Variants in CNTNAP5 observed in about 807,000 individuals in gnomAD.
CNTNAP5 encodes the protein contactin-associated protein-like 5.
CNTNAP5 carries 72 observed loss-of-function variants against 150.2 expected under a neutral mutation model. The observed-to-expected ratio is 0.48, with a 90% CI of 0.40 to 0.58. The LOEUF is 0.58. Ranked by LOEUF, CNTNAP5 falls within the 20% of genes least tolerant of loss-of-function variation. The pLI is 0.00. For synonymous variants in CNTNAP5, 672 were observed against 619.8 expected (o/e 1.08, Z -1.25); for missense variants, 1,636 against 1,626.2 (o/e 1.01, Z -0.10).
At chr2:124,041,844 G>T (rs1398002291) in intron 1 of CNTNAP5, among the ~76,000 whole-genome samples, 2 of 125,106 alleles carry the variant, frequency 1.6e-5, no homozygotes, top group East Asian at 4.7e-4. Context: ...TATGCATCAT[G>T]ATGTGTCAAA....
chr2:124,673,101 G>A (rs181189658), intron 13 of CNTNAP5, among the ~76,000 whole-genome samples: 3 of 152,126 alleles, frequency 2.0e-5, no homozygotes, highest in African/African-American at 7.2e-5. Context: ...AATGTAAATT[G>A]TGTGCTTAAT....
intron 10 of CNTNAP5, among the ~76,000 whole-genome samples, chr2:124,545,832 C>G (rs1482924844): frequency 6.6e-6 from 1 of 152,156 alleles, no homozygotes; most frequent in Non-Finnish European, 1.5e-5. Context: ...TAGCACAGCC[C>G]TCCAGTCCTA....
intron 13 of CNTNAP5, among the ~76,000 whole-genome samples, chr2:124,682,866 G>A (rs1679101399): frequency 6.6e-6 from 1 of 152,084 alleles, no homozygotes; most frequent in Non-Finnish European, 1.5e-5. Context: ...CTAATTAGTG[G>A]CACAAAAATA....
chr2:124,389,271 C>A (rs756880408), intron 3 of CNTNAP5, among the ~76,000 whole-genome samples: 5 of 152,122 alleles, frequency 3.3e-5, no homozygotes, highest in Non-Finnish European at 7.4e-5. Context: ...AGACTGTCTG[C>A]TGCAAATATT....
chr2:124,646,630 C>A (rs146481482), intron 12 of CNTNAP5, among the ~76,000 whole-genome samples: 4 of 152,250 alleles, frequency 2.6e-5, no homozygotes, highest in Admixed American at 1.3e-4. Flanking sequence ...AATTGCATGT[C>A]CAATTGCAGT....
intron 11 of CNTNAP5, among the ~76,000 whole-genome samples, chr2:124,577,789 G>A (rs978097265): frequency 6.6e-6 from 1 of 152,126 alleles, no homozygotes; most frequent in African/African-American, 2.4e-5. Context: ...TGGCATACAT[G>A]GGATCTGCAC....
At chr2:124,466,402 A>G (rs1231845172) in intron 6 of CNTNAP5, among the ~76,000 whole-genome samples, 1 of 152,008 alleles carries the variant, frequency 6.6e-6, no homozygotes, top group South Asian at 2.1e-4. Flanking sequence ...TGTTTCTATC[A>G]TACTTTGTCT....
chr2:124,901,315 G>A (rs1678409149), intron 21 of CNTNAP5, among the ~76,000 whole-genome samples: 1 of 151,500 alleles, frequency 6.6e-6, no homozygotes, highest in Non-Finnish European at 1.5e-5. Flanking sequence ...AGTAATTAAT[G>A]TTGCTCATCA....
intron 1 of CNTNAP5, among the ~76,000 whole-genome samples, chr2:124,132,758 T>A (rs74699055): frequency 0.014 from 2,062 of 152,342 alleles, 16 homozygotes; most frequent in Non-Finnish European, 0.02. Flanking sequence ...ATATAATTAC[T>A]GTTCTGTCCA....
intron 13 of CNTNAP5, among the ~76,000 whole-genome samples, chr2:124,660,644 G>A (rs537905411): frequency 9.7e-4 from 148 of 152,030 alleles, no homozygotes; most frequent in African/African-American, 3.3e-3. Flanking sequence ...AATTGGGTGC[G>A]TTTTTTGCAT....
At position 124,101,957 on chromosome 2, in the gene CNTNAP5, C is replaced by T. The variant is rs1683075295; in HGVS notation, c.82+76225C>T. Among the ~76,000 whole-genome samples the T allele has an allele frequency of 1.3e-5, 2 of 152,166 alleles. 1 individual carries two copies. The highest frequency in any genetic ancestry group is 4.1e-4 in the South Asian group (2 of 4,822). Reference sequence around the variant, plus strand: ...TAGCCGCCTGGTGCCTGACTTGCCCCTCTCACAGGCTGGTGGGGTTGCTGA... The same window carrying T: ...TAGCCGCCTGGTGCCTGACTTGCCCTTCTCACAGGCTGGTGGGGTTGCTGA... On this transcript the variant is annotated intron_variant, in intron 1 of 23. Coordinates refer to ENST00000682447, the MANE Select transcript of CNTNAP5 (RefSeq NM_001367498.1).
chr2:124,309,850 C>T (rs1472644035), intron 3 of CNTNAP5, among the ~76,000 whole-genome samples: 2 of 152,154 alleles, frequency 1.3e-5, no homozygotes, highest in Non-Finnish European at 2.9e-5. Flanking sequence ...ACAAGGCAGG[C>T]GATCTTTTCT....
At position 124,088,002 on chromosome 2, in the gene CNTNAP5, G is replaced by A. The variant is rs562694791; in HGVS notation, c.82+62270G>A. On this transcript the variant is annotated intron_variant, in intron 1 of 23. Coordinates refer to ENST00000682447, the MANE Select transcript of CNTNAP5 (RefSeq NM_001367498.1). ...CAGGTTTATGTCTTCCATTGAATGT[G>A]GGAAGTTTTCAGCCATTATTCAAGT... 1.1e-3 allele frequency among the ~76,000 whole-genome samples: 163 copies of A among 152,170 alleles called. 1 individual carries two copies. The highest frequency in any genetic ancestry group is 1.8e-3 in the Non-Finnish European group (123 of 68,002).
chr2:124,907,561 T>G (rs1467519774), intron 22 of CNTNAP5, among the ~76,000 whole-genome samples: 1 of 148,514 alleles, frequency 6.7e-6, no homozygotes, highest in Non-Finnish European at 1.5e-5. Flanking sequence ...ATATAGATCT[T>G]GATCTATATC....
At chr2:124,312,997 G>A (rs1448469360) in intron 3 of CNTNAP5, among the ~76,000 whole-genome samples, 3 of 152,200 alleles carry the variant, frequency 2.0e-5, no homozygotes, top group African/African-American at 7.2e-5. Flanking sequence ...GAGCCACCAC[G>A]CCTGGCCAGT....
intron 19 of CNTNAP5, among the ~76,000 whole-genome samples, chr2:124,804,549 G>A (rs1448203410): frequency 1.3e-5 from 2 of 152,008 alleles, no homozygotes; most frequent in East Asian, 1.9e-4. Context: ...TTATAAGATC[G>A]GAGCCCTAAT....
intron 3 of CNTNAP5, among the ~76,000 whole-genome samples, chr2:124,359,669 A>T (rs1690140221): frequency 8.5e-6 from 1 of 117,188 alleles, no homozygotes; most frequent in African/African-American, 3.5e-5. Flanking sequence ...GGTCTGAGAG[A>T]TAGTTTGTTA....
At chr2:124,908,476 AC>A (rs2104765808) in intron 22 of CNTNAP5, among the ~76,000 whole-genome samples, 1 of 152,334 alleles carries the variant, frequency 6.6e-6, no homozygotes, top group East Asian at 1.9e-4. Context: ...ACAGTCATGT[AC>A]CATGTAAAGA....
At chr2:124,856,370 G>A (rs753935527) in intron 19 of CNTNAP5, among the ~76,000 whole-genome samples, 5 of 151,142 alleles carry the variant, frequency 3.3e-5, no homozygotes, top group East Asian at 2.0e-4. Context: ...GGGATTGCTG[G>A]ATCAAACGGT....
Sources: allele counts gnomAD v4.1 joint callset (sites outside exome capture counted in the v4.1 genomes callset), GRCh38; gene constraint gnomAD v4.1.1; transcripts MANE v1.5; gene names NCBI Gene and HGNC (gene_info 2026-07-23, HGNC 2026-07-21).